Variants in EGFR observed in about 807,000 individuals in gnomAD.
EGFR encodes epidermal growth factor receptor.
A neutral mutation model predicts 143.0 loss-of-function variants in EGFR; 58 were observed. The observed-to-expected ratio is 0.41, with a 90% CI of 0.33 to 0.50. The LOEUF (loss-of-function observed/expected upper bound fraction) is 0.50. EGFR is among the 20% of genes least tolerant of loss of function. The probability of loss-of-function intolerance (pLI) is 0.39; values close to 1 mark genes in which losing one functional copy is unlikely to be tolerated. For missense variants in EGFR, 1,307 were observed against 1,579.0 expected (o/e 0.83, Z 2.92); for synonymous variants, 613 against 594.4 (o/e 1.03, Z -0.45).
At chr7:55,177,119 C>T (rs1378282482) in intron 19 of EGFR, among the ~76,000 whole-genome samples, 1 of 151,968 alleles carries the variant, frequency 6.6e-6, no homozygotes, top group Non-Finnish European at 1.5e-5. Context: ...TGATGGATGT[C>T]ATGTCTGCTG....
At chr7:55,093,150 T>G (rs940318374) in intron 1 of EGFR, among the ~76,000 whole-genome samples, 8 of 152,236 alleles carry the variant, frequency 5.3e-5, no homozygotes, top group African/African-American at 7.2e-5. Flanking sequence ...GAAGAAAATA[T>G]GAGCTCAGGG....
intron 1 of EGFR, among the ~76,000 whole-genome samples, chr7:55,139,014 T>C (rs886563382): frequency 2.0e-5 from 3 of 152,246 alleles, no homozygotes; most frequent in African/African-American, 7.2e-5. Flanking sequence ...CTTACATGAA[T>C]GGCATTAATC....
At chr7:55,028,174 C>T (rs949605289) in intron 1 of EGFR, among the ~76,000 whole-genome samples, 1 of 151,780 alleles carries the variant, frequency 6.6e-6, no homozygotes, top group Non-Finnish European at 1.5e-5. Flanking sequence ...CAGCAGATGA[C>T]GTCATGATTG....
chr7:55,033,854 T>C (rs913663331), intron 1 of EGFR, among the ~76,000 whole-genome samples: 1 of 152,242 alleles, frequency 6.6e-6, no homozygotes, highest in African/African-American at 2.4e-5. Flanking sequence ...TGCTTTTTTG[T>C]TTCCTGCATA....
chr7:55,060,528 T>C (rs1789106315), intron 1 of EGFR, among the ~76,000 whole-genome samples: 1 of 152,190 alleles, frequency 6.6e-6, no homozygotes, highest in Admixed American at 6.5e-5. Context: ...TTTCCTTCCA[T>C]CTTTGCTTGT....
chr7:55,075,973 C>G (rs951716874), intron 1 of EGFR, among the ~76,000 whole-genome samples: 3 of 152,304 alleles, frequency 2.0e-5, no homozygotes, highest in Non-Finnish European at 4.4e-5. Flanking sequence ...AATTTCCATT[C>G]AACTGGAAAT....
At chr7:55,069,404 C>T (rs538106689) in intron 1 of EGFR, among the ~76,000 whole-genome samples, 1 of 152,310 alleles carries the variant, frequency 6.6e-6, no homozygotes, top group South Asian at 2.1e-4. Flanking sequence ...AATAAACAGC[C>T]TCAGACAGAA....
chr7:55,136,103 A>T (rs1046978546), intron 1 of EGFR, among the ~76,000 whole-genome samples: 1 of 152,210 alleles, frequency 6.6e-6, no homozygotes, highest in Admixed American at 6.5e-5. Context: ...AGATGTGTAT[A>T]CATGTTCACT....
intron 10 of EGFR, among the ~76,000 whole-genome samples, chr7:55,157,366 C>A (rs1785476287): frequency 6.6e-6 from 1 of 152,230 alleles, no homozygotes; most frequent in Non-Finnish European, 1.5e-5. Flanking sequence ...GCAGCAGGAG[C>A]CTCTTCGGGG....
In EGFR at chr7:55,165,408, C is replaced by T. The variant is rs143422127; in HGVS notation, c.1851C>T (p.Cys617=). The T allele has an allele frequency of 8.4e-5, 136 of 1,613,968 alleles. No homozygotes were observed. The highest frequency in any genetic ancestry group is 1.1e-4 in the Non-Finnish European group (129 of 1,179,974). The change falls in exon 15 of 28, where the codon TGC becomes TGT. Residue 617 remains cysteine (C), a synonymous_variant. Transcript: ENST00000275493. ...VWKYADAGHV[C]HLCHPNCTYG... ...AGTACGCAGACGCCGGCCATGTGTG[C>T]CACCTGTGCCATCCAAACTGCACCT...
chr7:55,093,831 CTGCCTGAATCA>C (rs1200264293), intron 1 of EGFR, among the ~76,000 whole-genome samples: 1 of 152,212 alleles, frequency 6.6e-6, no homozygotes, highest in Non-Finnish European at 1.5e-5. Flanking sequence ...GGCAGTGTGG[CTGCCTGAATCA>C]TGCCTGGATG....
intron 27 of EGFR, among the ~76,000 whole-genome samples, chr7:55,203,333 GTATACACACATA>G (rs1406495202): frequency 8.6e-6 from 1 of 115,704 alleles, no homozygotes; most frequent in Non-Finnish European, 1.8e-5. Flanking sequence ...ATACACACAC[GTATACACACATA>G]TATACACACA....
At chr7:55,118,863 A>G (rs1179451858) in intron 1 of EGFR, among the ~76,000 whole-genome samples, 1 of 152,196 alleles carries the variant, frequency 6.6e-6, no homozygotes, top group Non-Finnish European at 1.5e-5. Context: ...TCTCAGTAGC[A>G]AACTCGTGGG....
chr7:55,191,795 A>C lies in EGFR; in HGVS notation c.2546A>C (p.Gln849Pro). The change falls in exon 21 of 28, where the codon CAG becomes CCG. Residue 849 changes from glutamine to proline, a missense_variant. Gln to Pro is a moderately conservative substitution (Grantham distance 76). This residue lies in a region of EGFR where 348 missense variants were observed against 451.5 expected (regional missense o/e 0.77). Coordinates refer to ENST00000275493, the MANE Select transcript of EGFR (RefSeq NM_005228.5). ...AARNVLVKTP[Q>P]HVKITDFGLA... ...AGGAACGTACTGGTGAAAACACCGC[A>C]GCATGTCAAGATCACAGATTTTGGG... is the stretch of plus-strand genomic sequence containing the variant. The C allele has an allele frequency of 2.5e-6, 4 of 1,614,124 alleles. No individual in the cohort carries two copies. Among genetic ancestry groups the C allele is most frequent in the Non-Finnish European group, 3.4e-6 (4 of 1,180,030 alleles).
At chr7:55,139,166 T>C (rs563613484) in intron 1 of EGFR, among the ~76,000 whole-genome samples, 1 of 152,318 alleles carries the variant, frequency 6.6e-6, no homozygotes, top group South Asian at 2.1e-4. Context: ...ATCAACGTTA[T>C]TGTCACCATT....
At position 55,104,025 on chromosome 7, in the gene EGFR, A is replaced by G. The variant is rs184874680; in HGVS notation, c.89-38261A>G. 1.7e-3 allele frequency among the ~76,000 whole-genome samples: 262 copies of G among 152,348 alleles called. 1 individual carries two copies. The highest frequency in any genetic ancestry group is 5.8e-3 in the African/African-American group (240 of 41,582). ...CTCATATTAAGAAACAGCAATGTCAATCGAGGCCCAACTCAAATCCAATTT... is the reference window on the plus strand; with the variant it reads ...CTCATATTAAGAAACAGCAATGTCAGTCGAGGCCCAACTCAAATCCAATTT... On this transcript the variant is annotated intron_variant, in intron 1 of 27. Transcript: ENST00000275493.
chr7:55,102,582 C>A (rs955776761), intron 1 of EGFR, among the ~76,000 whole-genome samples: 3 of 152,136 alleles, frequency 2.0e-5, no homozygotes, highest in Non-Finnish European at 2.9e-5. Flanking sequence ...AACAATGTAA[C>A]AATTTTTTTT....
chr7:55,041,446 G>C (rs146212165), intron 1 of EGFR, among the ~76,000 whole-genome samples: 27 of 152,124 alleles, frequency 1.8e-4, no homozygotes, highest in African/African-American at 6.5e-4. Context: ...ACATAAAAAC[G>C]TGGAGTGAGC....
At chr7:55,204,558 A>C in intron 27 of EGFR, among the ~76,000 whole-genome samples, 1 of 129,932 alleles carries the variant, frequency 7.7e-6, no homozygotes, top group Non-Finnish European at 1.6e-5. Context: ...ACACATACAC[A>C]CCACACACAT....
Sources: allele counts gnomAD v4.1 joint callset (sites outside exome capture counted in the v4.1 genomes callset), GRCh38; gene constraint gnomAD v4.1.1; regional missense constraint gnomAD v4.1.1; transcripts MANE v1.5; gene names NCBI Gene and HGNC (gene_info 2026-07-23, HGNC 2026-07-21).